The following PICALM variants were observed in gnomAD, a reference collection of about 807,000 sequenced individuals.
PICALM encodes the protein phosphatidylinositol binding clathrin assembly protein, also known as phosphatidylinositol-binding clathrin assembly protein.
A neutral mutation model predicts 80.5 loss-of-function variants in PICALM; 40 were observed. The ratio of observed to expected loss-of-function variants is 0.50; its 90% CI spans 0.39 to 0.65. The LOEUF is 0.65. Among genes scored for constraint, PICALM ranks in the 30% least tolerant of loss-of-function variants. The pLI, the probability that PICALM is intolerant of heterozygous loss-of-function variation, is 0.00. For missense variants in PICALM, 676 were observed against 778.9 expected, an observed-to-expected ratio of 0.87 and a Z score of 1.57; for synonymous variants, 288 against 260.3, an observed-to-expected ratio of 1.11 and a Z score of -1.02.
At chr11:86,003,671 G>A in intron 8 of PICALM, 1 of 359,704 alleles carries the variant, frequency 2.8e-6, no homozygotes, top group Non-Finnish European at 5.0e-6. Context: ...AAAACGTTAA[G>A]AACTGAAAAC....
intron 1 of PICALM, among the ~76,000 whole-genome samples, chr11:86,046,866 G>C (rs1174142017): frequency 6.6e-6 from 1 of 152,126 alleles, no homozygotes; most frequent in Admixed American, 6.6e-5. Flanking sequence ...TCAAACTCCT[G>C]GCCTTAAGTG....
In PICALM at chr11:85,958,035, C is replaced by T. The variant is rs1315461270; in HGVS notation, c.*1011G>A. ...AGGACTTTGCCCCCCTTCCCTCCCC[C>T]TTGTAACACCTTCTAGAGTTTTAGT... is the stretch of plus-strand genomic sequence containing the variant. On this transcript the variant is annotated 3_prime_UTR_variant, in exon 20 of 20. Coordinates refer to ENST00000393346, the MANE Select transcript of PICALM (RefSeq NM_007166.4). The T allele has an allele frequency of 4.4e-6, 1 of 226,022 alleles. No homozygotes were observed. Among genetic ancestry groups the T allele is most frequent in the African/African-American group, 2.2e-5 (1 of 44,776 alleles). The allele number at this position is 226,022 out of a possible 1,614,324, so 14.0% of individuals were successfully genotyped here. A position where few individuals can be genotyped will look rare whatever the true frequency, so the allele number is the denominator to read the frequency against.
At chr11:85,969,059 T>C (rs577518522) in intron 19 of PICALM, among the ~76,000 whole-genome samples, 2 of 151,222 alleles carry the variant, frequency 1.3e-5, no homozygotes, top group Non-Finnish European at 3.0e-5. Flanking sequence ...TCTACTGAAT[T>C]AAAGCCATAA....
rs115699325 is a variant in PICALM, at chr11:85,991,776, A to C, written c.1259-1377T>G. ...ATAAATGGAACACTGGGAAAAAAGA[A>C]TCAGAAAACAGTAATTCAGAAATAG... On this transcript the variant is annotated intron_variant, in intron 12 of 19. Coordinates refer to ENST00000393346, the MANE Select transcript of PICALM (RefSeq NM_007166.4). Among the ~76,000 whole-genome samples, 598 of 152,350 alleles carry C rather than the reference A, an allele frequency of 3.9e-3. 6 individuals are homozygous for C. The highest frequency in any genetic ancestry group is 0.014 in the African/African-American group (586 of 41,570).
chr11:86,006,192 T>A (rs149077840), intron 8 of PICALM, among the ~76,000 whole-genome samples: 310 of 152,354 alleles, frequency 2.0e-3, no homozygotes, highest in African/African-American at 7.1e-3. Flanking sequence ...TGCTTGCTCT[T>A]AATAAAGCCA....
intron 1 of PICALM, among the ~76,000 whole-genome samples, chr11:86,046,224 T>C (rs2096069628): frequency 6.6e-6 from 1 of 152,172 alleles, no homozygotes; most frequent in Non-Finnish European, 1.5e-5. Flanking sequence ...CTTCCATGCA[T>C]GGTCCCATCC....
chr11:86,037,009 G>C (rs897271968), intron 1 of PICALM, among the ~76,000 whole-genome samples: 4 of 151,438 alleles, frequency 2.6e-5, no homozygotes, highest in African/African-American at 9.7e-5. Context: ...TGCATGGCGT[G>C]ATCTCGGCTC....
intron 1 of PICALM, among the ~76,000 whole-genome samples, chr11:86,061,613 G>A (rs996664236): frequency 6.6e-6 from 1 of 152,154 alleles, no homozygotes; most frequent in African/African-American, 2.4e-5. Flanking sequence ...TCAAATGCTG[G>A]TGAGAATGTG....
chr11:85,972,359 G>C (rs1455479608), intron 19 of PICALM, among the ~76,000 whole-genome samples: 1 of 152,168 alleles, frequency 6.6e-6, no homozygotes, highest in Non-Finnish European at 1.5e-5. Context: ...CTAGCAGAGA[G>C]ACTGTGGTAT....
At chr11:86,028,801 G>A (rs1316842305) in intron 2 of PICALM, among the ~76,000 whole-genome samples, 2 of 149,848 alleles carry the variant, frequency 1.3e-5, no homozygotes, top group African/African-American at 4.9e-5. Context: ...ATTCTTTGTT[G>A]TTGGAGACTG....
intron 19 of PICALM, among the ~76,000 whole-genome samples, chr11:85,967,370 T>TA (rs1274005760): frequency 2.8e-5 from 4 of 141,376 alleles, no homozygotes; most frequent in Admixed American, 2.8e-4. Context: ...GACAAGAAAT[T>TA]AGATTTCTAC....
intron 19 of PICALM, among the ~76,000 whole-genome samples, chr11:85,965,459 G>C (rs2093844194): frequency 6.6e-6 from 1 of 152,192 alleles, no homozygotes; most frequent in South Asian, 2.1e-4. Context: ...GAGACACTGA[G>C]TCACAGAACA....
intron 12 of PICALM, among the ~76,000 whole-genome samples, chr11:85,992,284 GTTT>G (rs5793178): frequency 7.1e-6 from 1 of 141,638 alleles, no homozygotes; most frequent in African/African-American, 2.6e-5. Flanking sequence ...GGTGTGTTTT[GTTT>G]TTTTTTTTTT....
At chr11:86,040,292 T>C (rs2095936770) in intron 1 of PICALM, among the ~76,000 whole-genome samples, 1 of 152,274 alleles carries the variant, frequency 6.6e-6, no homozygotes, top group African/African-American at 2.4e-5. Context: ...TGGTGAGGTA[T>C]GTATGAGTGG....
At chr11:86,012,547 G>A (rs563730381) in intron 5 of PICALM, among the ~76,000 whole-genome samples, 155 bp from the exon 6 acceptor site, 59 of 152,256 alleles carry the variant, frequency 3.9e-4, no homozygotes, top group African/African-American at 1.4e-3. Flanking sequence ...AAAGATCACG[G>A]TGCAGTAGCT....
At position 86,052,017 on chromosome 11, in the gene PICALM, C is replaced by T. The variant is rs1047627381; in HGVS notation, c.130+16634G>A. Reference sequence around the variant, plus strand: ...GGTTTCCTTAAAGGTTAGCTATTCTCCCCATTTTGTATGTCCTAACTAAAC... The same window carrying T: ...GGTTTCCTTAAAGGTTAGCTATTCTTCCCATTTTGTATGTCCTAACTAAAC... On this transcript the variant is annotated intron_variant, in intron 1 of 19. Coordinates refer to ENST00000393346, the MANE Select transcript of PICALM (RefSeq NM_007166.4). Among the ~76,000 whole-genome samples, 12 of 152,176 alleles carry T rather than the reference C, an allele frequency of 7.9e-5. 1 individual carries two copies. The highest frequency in any genetic ancestry group is 5.9e-4 in the Admixed American group (9 of 15,276).
In PICALM at chr11:86,059,027, A is replaced by G. The variant is rs189932208; in HGVS notation, c.130+9624T>C. The stretch of plus-strand genomic sequence containing the variant: ...CTACCTTGTATCTAAACAAAACTAA[A>G]TAAGCCTCTTAATGCCTCATGAGTT... On this transcript the variant is annotated intron_variant, in intron 1 of 19. Coordinates refer to ENST00000393346, the MANE Select transcript of PICALM (RefSeq NM_007166.4). 1.1e-3 allele frequency among the ~76,000 whole-genome samples: 168 copies of G among 152,366 alleles called. 2 individuals carry two copies. Among genetic ancestry groups the G allele is most frequent in the African/African-American group, 3.7e-3 (154 of 41,590 alleles).
intron 1 of PICALM, among the ~76,000 whole-genome samples, chr11:86,040,695 T>G (rs1387593178): frequency 6.6e-6 from 1 of 152,174 alleles, no homozygotes; most frequent in Non-Finnish European, 1.5e-5. Flanking sequence ...TACATTCAGG[T>G]ACAAACAGTA....
At position 85,957,675 on chromosome 11, in the gene PICALM, TAAC is replaced by T. The variant is rs985331209; in HGVS notation, c.*1368_*1370del. On this transcript the variant is annotated 3_prime_UTR_variant, in exon 20 of 20. Coordinates refer to ENST00000393346, the MANE Select transcript of PICALM (RefSeq NM_007166.4). The stretch of plus-strand genomic sequence containing the variant: ...AAATGCATCTCAGACCAGAATACCA[TAAC>T]AAAACTTTTGTGGAAGCTGCATTTT... 5.0e-6 allele frequency: 1 copy of T among 199,718 alleles called. No homozygotes were observed. The highest frequency in any genetic ancestry group is 2.3e-5 in the African/African-American group (1 of 43,470). 12.4% of individuals were successfully genotyped at this position (199,718 alleles called of 1,614,324 possible).
Sources: allele counts gnomAD v4.1 joint callset (sites outside exome capture counted in the v4.1 genomes callset), GRCh38; gene constraint gnomAD v4.1.1; transcripts MANE v1.5; gene names NCBI Gene and HGNC (gene_info 2026-07-23, HGNC 2026-07-21).